The following DNAJC11 variants were observed in gnomAD, a reference collection of about 807,000 sequenced individuals.
DNAJC11 encodes DnaJ heat shock protein family (Hsp40) member C11.
A neutral mutation model predicts 78.6 loss-of-function variants in DNAJC11; 15 were observed. That is an observed-to-expected ratio of 0.19 (90% CI 0.13 to 0.29). DNAJC11 has a LOEUF of 0.29. DNAJC11 is among the 10% of genes least tolerant of loss of function. The probability of loss-of-function intolerance (pLI) is 1.00; values close to 1 mark genes in which losing one functional copy is unlikely to be tolerated. For synonymous variants in DNAJC11, 292 were observed against 272.1 expected (o/e 1.07, Z -0.72); for missense variants, 547 against 709.6 (o/e 0.77, Z 2.60).
intron 3 of DNAJC11, among the ~76,000 whole-genome samples, chr1:6,671,483 G>A (rs1481159485): frequency 6.0e-5 from 9 of 150,616 alleles, no homozygotes; most frequent in Non-Finnish European, 1.0e-4. Flanking sequence ...TGATCCGCCT[G>A]CCTTGGCCTC....
At chr1:6,641,859 C>G (rs1168160392) in intron 10 of DNAJC11, among the ~76,000 whole-genome samples, 2 of 152,050 alleles carry the variant, frequency 1.3e-5, no homozygotes, top group African/African-American at 4.8e-5. Context: ...GGACCAAGTC[C>G]AAGAGCTTAT....
rs187631405 is a variant in DNAJC11 at position 6,645,165 on chromosome 1, G to A, written c.895-39C>T. Reference sequence around the variant, plus strand: ...GGGTGCAAGGATGCGTGGCTAGGGCGTGTGACTCTGTGGGGAGATGGGTAT... The same window carrying A: ...GGGTGCAAGGATGCGTGGCTAGGGCATGTGACTCTGTGGGGAGATGGGTAT... On this transcript the variant is annotated intron_variant, in intron 8 of 15. Coordinates refer to ENST00000377577, the MANE Select transcript of DNAJC11 (RefSeq NM_018198.4). This position sits in a 1 kb window ranked among gnomAD's most constrained non-coding sequence, Gnocchi z 4.1. 302 of 1,515,170 alleles carry A rather than the reference G, an allele frequency of 2.0e-4. 2 individuals carry two copies. In the East Asian group the frequency reaches 5.0e-3, roughly 25 times the overall value. 93.9% of individuals were successfully genotyped at this position (1,515,170 alleles called of 1,614,324 possible).
At chr1:6,676,429 C>A (rs1347645828) in intron 3 of DNAJC11, among the ~76,000 whole-genome samples, 1 of 152,166 alleles carries the variant, frequency 6.6e-6, no homozygotes, top group Admixed American at 6.5e-5. Context: ...CCTGTAATCC[C>A]GGCGCTTTGG....
intron 10 of DNAJC11, among the ~76,000 whole-genome samples, chr1:6,642,691 A>T (rs1253376711): frequency 1.3e-5 from 2 of 152,158 alleles, no homozygotes; most frequent in African/African-American, 4.8e-5. Context: ...ATAAAATAAA[A>T]AAAGAGAGAG....
intron 1 of DNAJC11, among the ~76,000 whole-genome samples, chr1:6,687,530 G>A (rs549924423): frequency 1.3e-5 from 2 of 151,886 alleles, no homozygotes; most frequent in African/African-American, 4.8e-5. Flanking sequence ...CTAAATTTTT[G>A]TATTTGTTAG....
chr1:6,679,199 A>G (rs908390780), intron 2 of DNAJC11, among the ~76,000 whole-genome samples: 3 of 152,208 alleles, frequency 2.0e-5, no homozygotes, highest in African/African-American at 7.2e-5. Context: ...TTGCTATAAA[A>G]GTAGAAACAG....
At chr1:6,655,839 C>T (rs942351364) in intron 4 of DNAJC11, among the ~76,000 whole-genome samples, 1 of 151,178 alleles carries the variant, frequency 6.6e-6, no homozygotes, top group Non-Finnish European at 1.5e-5. Flanking sequence ...TGTGGTGGCT[C>T]ATGCCTGTAA....
intron 4 of DNAJC11, among the ~76,000 whole-genome samples, chr1:6,666,386 T>TC (rs1297905711): frequency 1.9e-5 from 1 of 53,814 alleles, no homozygotes; most frequent in Non-Finnish European, 3.6e-5. Context: ...CTTTCTTTTC[T>TC]TTTTTTTTTT....
At chr1:6,678,356 T>C (rs1417848764) in intron 3 of DNAJC11, 38 bp downstream of exon 3, 1 of 1,582,538 alleles carries the variant, frequency 6.3e-7, no homozygotes, top group African/African-American at 1.3e-5. Flanking sequence ...AACTGTTTAA[T>C]GACTTTTCTG....
chr1:6,638,263 C>A, intron 12 of DNAJC11, 32 bp downstream of exon 12: 1 of 1,604,844 alleles, frequency 6.2e-7, no homozygotes, highest in Non-Finnish European at 8.5e-7. Flanking sequence ...TCCCCTACAG[C>A]CCTCGCTTGG....
At chr1:6,667,133 T>C (rs1642305956) in intron 4 of DNAJC11, among the ~76,000 whole-genome samples, 1 of 152,202 alleles carries the variant, frequency 6.6e-6, no homozygotes, top group East Asian at 1.9e-4. Flanking sequence ...CCATCGGTGA[T>C]CTGGGACACC....
At chr1:6,644,993 C>G (rs779961510) in intron 9 of DNAJC11, 48 bp downstream of exon 9, 2 of 1,546,210 alleles carry the variant, frequency 1.3e-6, no homozygotes, top group East Asian at 2.3e-5. Flanking sequence ...CTGTGAAGAC[C>G]CGCATGCAGT....
intron 2 of DNAJC11, among the ~76,000 whole-genome samples, chr1:6,678,869 G>A (rs1302527547): frequency 6.6e-6 from 1 of 152,136 alleles, no homozygotes; most frequent in African/African-American, 2.4e-5. Context: ...GGCTGATCTC[G>A]AATTCCTGGC....
At position 6,688,083 on chromosome 1, in the gene DNAJC11, T is replaced by C. The variant is rs567755449; in HGVS notation, c.73-7046A>G. Among the ~76,000 whole-genome samples, 18 of 152,316 alleles carry C rather than the reference T, an allele frequency of 1.2e-4. No individual in the cohort carries two copies. In the East Asian group the frequency reaches 3.1e-3, roughly 26 times the overall value. ...TAGTGCAAAAGGTGATAAAGTAACC[T>C]TTTCCCACCACAATAAGAAACATAA... On this transcript the variant is annotated intron_variant, in intron 1 of 15. Transcript: ENST00000377577.
rs1049787825 is a variant in DNAJC11, at chr1:6,635,561, TATA to T, written c.*111_*113del. 1.1e-5 allele frequency: 12 copies of T among 1,142,366 alleles called. No homozygotes were observed. The highest frequency in any genetic ancestry group is 1.5e-5 in the Non-Finnish European group (12 of 797,102). 70.8% of individuals were successfully genotyped at this position (1,142,366 alleles called of 1,614,324 possible). On this transcript the variant is annotated 3_prime_UTR_variant, in exon 16 of 16. Transcript: ENST00000377577. ...CATAATTGATAATGGTACCACCTTC[TATA>T]ATAATAATATAAAATAAAAACATCT...
intron 1 of DNAJC11, among the ~76,000 whole-genome samples, chr1:6,693,575 G>A (rs945045041): frequency 2.0e-5 from 3 of 151,898 alleles, no homozygotes; most frequent in Non-Finnish European, 4.4e-5. Context: ...GTAGAGACAG[G>A]GTTTCACCAT....
At chr1:6,636,667 C>T (rs1266280375) in intron 14 of DNAJC11, among the ~76,000 whole-genome samples, 3 of 152,126 alleles carry the variant, frequency 2.0e-5, no homozygotes, top group Non-Finnish European at 1.5e-5. Flanking sequence ...CTGGCACACA[C>T]CAGGGGCTCA....
intron 3 of DNAJC11, among the ~76,000 whole-genome samples, chr1:6,669,520 GA>G (rs1557480256): frequency 4.2e-4 from 40 of 95,046 alleles, no homozygotes; most frequent in African/African-American, 1.6e-3. Context: ...TCTTAGAAAA[GA>G]AAAGAAAAGA....
At position 6,645,761 on chromosome 1, in the gene DNAJC11, T is replaced by C. The variant is rs1473444384; in HGVS notation, c.894+28A>G. ...GGAGGGGTCCTCCCAGAGCTCTGTC[T>C]GCAGGAGATGATGGCTGCTCGGCTC... is the stretch of plus-strand genomic sequence containing the variant. On this transcript the variant is annotated intron_variant, in intron 8 of 15. Transcript: ENST00000377577. This position sits in a 1 kb window ranked among gnomAD's most constrained non-coding sequence, Gnocchi z 4.1. 6.2e-7 allele frequency: 1 copy of C among 1,611,106 alleles called. No individual in the cohort carries two copies. Among genetic ancestry groups the C allele is most frequent in the Non-Finnish European group, 8.5e-7 (1 of 1,177,658 alleles).
Sources: allele counts gnomAD v4.1 joint callset (sites outside exome capture counted in the v4.1 genomes callset), GRCh38; gene constraint gnomAD v4.1.1; non-coding constraint Gnocchi (gnomAD v3.1); transcripts MANE v1.5; gene names NCBI Gene and HGNC (gene_info 2026-07-23, HGNC 2026-07-21).